The following MAGI2 variants were observed in gnomAD, a reference collection of about 807,000 sequenced individuals.
The protein encoded by MAGI2 is membrane associated guanylate kinase, WW and PDZ domain containing 2, also known as membrane-associated guanylate kinase, WW and PDZ domain-containing protein 2.
A neutral mutation model predicts 133.3 loss-of-function variants in MAGI2; 35 were observed. The ratio of observed to expected loss-of-function variants is 0.26; its 90% CI spans 0.20 to 0.35. The LOEUF (loss-of-function observed/expected upper bound fraction) is 0.35. Among genes scored for constraint, MAGI2 ranks in the 10% least tolerant of loss-of-function variants. MAGI2 has a pLI of 1.00. For synonymous variants in MAGI2, 729 were observed against 710.6 expected (o/e 1.03, Z -0.41); for missense variants, 1,636 against 1,863.4 (o/e 0.88, Z 2.25).
At chr7:79,448,968 G>A (rs1437870161) in intron 1 of MAGI2, among the ~76,000 whole-genome samples, 5 of 152,086 alleles carry the variant, frequency 3.3e-5, no homozygotes, top group Middle Eastern at 3.4e-3. Flanking sequence ...CAAGAGAACC[G>A]TCTCATTAAC....
Position 78,489,657 on chromosome 7 carries a change from T to C in MAGI2, c.1045+104A>G, listed in dbSNP as rs1279090740. On this transcript the variant is annotated intron_variant, in intron 6 of 21. Coordinates refer to ENST00000354212, the MANE Select transcript of MAGI2 (RefSeq NM_012301.4). ...AGCATTAAACATTACATCGTTAAAA[T>C]TGTTTCAGCTAGATTATTGCCTCTT... 6.0e-6 allele frequency: 5 copies of C among 828,140 alleles called. No homozygotes were observed. The African/African-American group carries it at 8.6e-5, about 14-fold the overall frequency. 51.3% of individuals were successfully genotyped at this position (828,140 alleles called of 1,614,324 possible). A position where few individuals can be genotyped will look rare whatever the true frequency, so the allele number is the denominator to read the frequency against.
At chr7:79,229,084 A>ATT (rs532480584) in intron 1 of MAGI2, among the ~76,000 whole-genome samples, 2 of 145,582 alleles carry the variant, frequency 1.4e-5, no homozygotes, top group South Asian at 4.4e-4. Flanking sequence ...TACGACAATG[A>ATT]TTTTTTTTTT....
intron 2 of MAGI2, among the ~76,000 whole-genome samples, chr7:78,879,938 C>T (rs1005011315): frequency 2.6e-5 from 4 of 151,860 alleles, no homozygotes; most frequent in Non-Finnish European, 5.9e-5. Flanking sequence ...CATTTGAAAG[C>T]TTTATCAATA....
chr7:78,669,272 A>T (rs1455144865), intron 2 of MAGI2, among the ~76,000 whole-genome samples: 1 of 152,146 alleles, frequency 6.6e-6, no homozygotes, highest in Non-Finnish European at 1.5e-5. Flanking sequence ...ACAAACTACC[A>T]TCAGAGAATA....
At chr7:78,920,442 C>G (rs1312462771) in intron 2 of MAGI2, among the ~76,000 whole-genome samples, 1 of 152,144 alleles carries the variant, frequency 6.6e-6, no homozygotes, top group Non-Finnish European at 1.5e-5. Flanking sequence ...CAAAAGCTTT[C>G]CTAATGATCC....
chr7:78,091,026 G>GT (rs1446796359), intron 20 of MAGI2, among the ~76,000 whole-genome samples: 2 of 149,352 alleles, frequency 1.3e-5, no homozygotes, highest in Non-Finnish European at 3.0e-5. Context: ...TTTTAACATC[G>GT]TAGTGACTGA....
At chr7:78,510,264 G>A (rs1030015) in intron 4 of MAGI2, among the ~76,000 whole-genome samples, 1 of 151,930 alleles carries the variant, frequency 6.6e-6, no homozygotes, top group Non-Finnish European at 1.5e-5. Flanking sequence ...TAAAGTGGGA[G>A]GTTGAACAAG....
chr7:79,069,715 T>A lies in MAGI2; in HGVS notation c.302-62509A>T, dbSNP rs534569737. 1.2e-4 allele frequency among the ~76,000 whole-genome samples: 18 copies of A among 152,310 alleles called. No individual in the cohort carries two copies. The South Asian group carries it at 3.7e-3, about 32-fold the overall frequency. ...TTCATAGCATTGATGGTCTTTACAA[T>A]TTGGTATGTTTTTGCAGTGGCTGCT... On this transcript the variant is annotated intron_variant, in intron 1 of 21. Transcript: ENST00000354212.
intron 9 of MAGI2, among the ~76,000 whole-genome samples, chr7:78,296,862 G>C (rs543424668): frequency 6.6e-6 from 1 of 152,318 alleles, no homozygotes; most frequent in Admixed American, 6.5e-5. Context: ...CAGTCAGCGT[G>C]GGAAAGGCTC....
At chr7:79,118,760 C>G (rs1024003205) in intron 1 of MAGI2, among the ~76,000 whole-genome samples, 1 of 152,042 alleles carries the variant, frequency 6.6e-6, no homozygotes, top group Non-Finnish European at 1.5e-5. Flanking sequence ...TCCCTCATGA[C>G]CTCCTCCCTG....
intron 9 of MAGI2, among the ~76,000 whole-genome samples, chr7:78,280,402 C>T (rs1795449134): frequency 6.6e-6 from 1 of 152,086 alleles, no homozygotes; most frequent in Non-Finnish European, 1.5e-5. Context: ...CTTCCACTTT[C>T]TCAGCTTACA....
intron 1 of MAGI2, among the ~76,000 whole-genome samples, chr7:79,261,893 C>A (rs1834118777): frequency 6.6e-6 from 1 of 152,164 alleles, no homozygotes; most frequent in Non-Finnish European, 1.5e-5. Context: ...TTCTGGGAAA[C>A]TCTTACCCCA....
At chr7:78,208,704 T>G (rs1787386166) in intron 10 of MAGI2, among the ~76,000 whole-genome samples, 1 of 145,128 alleles carries the variant, frequency 6.9e-6, no homozygotes, top group South Asian at 2.2e-4. Context: ...TTTTTTTTTT[T>G]TTTGGGAAAT....
chr7:78,046,203 C>A (rs1337317680), intron 21 of MAGI2, among the ~76,000 whole-genome samples: 2 of 149,488 alleles, frequency 1.3e-5, no homozygotes, highest in Non-Finnish European at 3.0e-5. Flanking sequence ...TGAGACCAGC[C>A]TGGTCAAAGT....
chr7:78,497,746 A>ATCTGTCTGTCTGTCTGTCTGTCTGTCTG (rs1195712724), intron 5 of MAGI2, among the ~76,000 whole-genome samples: 93 of 116,782 alleles, frequency 8.0e-4, no homozygotes, highest in African/African-American at 2.4e-3. Flanking sequence ...CTATCTATCT[A>ATCTGTCTGTCTGTCTGTCTGTCTGTCTG]TCTATCTATC....
intron 1 of MAGI2, among the ~76,000 whole-genome samples, chr7:79,340,092 T>C (rs1348783198): frequency 6.6e-6 from 1 of 152,122 alleles, no homozygotes; most frequent in Non-Finnish European, 1.5e-5. Flanking sequence ...CCCCTCAAAT[T>C]ATATTTTCAA....
intron 1 of MAGI2, among the ~76,000 whole-genome samples, chr7:79,055,220 T>C (rs758794154): frequency 2.6e-5 from 4 of 152,160 alleles, no homozygotes; most frequent in Admixed American, 6.6e-5. Context: ...TTTGCTAATA[T>C]AGTCACAAGT....
chr7:79,119,756 G>C (rs890904025), intron 1 of MAGI2, among the ~76,000 whole-genome samples: 1 of 151,910 alleles, frequency 6.6e-6, no homozygotes, highest in African/African-American at 2.4e-5. Flanking sequence ...TCGAAGGGAA[G>C]GGCAAGAAAG....
rs1585840184 is a variant in MAGI2 at position 79,399,079 on chromosome 7, C to CTTTTCTTTTTTTTTTTTTTTTTTT, written c.301+53940_301+53941insAAAAAAAAAAAAAAAAAAAGAAAA. Among the ~76,000 whole-genome samples the CTTTTCTTTTTTTTTTTTTTTTTTT allele has an allele frequency of 1.4e-4, 16 of 114,606 alleles. 2 individuals are homozygous for CTTTTCTTTTTTTTTTTTTTTTTTT. Among genetic ancestry groups the CTTTTCTTTTTTTTTTTTTTTTTTT allele is most frequent in the East Asian group, 8.8e-4 (3 of 3,420 alleles). The allele number at this position is 114,606 out of a possible 152,430, so 75.2% of individuals were successfully genotyped here. On this transcript the variant is annotated intron_variant, in intron 1 of 21. Coordinates refer to ENST00000354212, the MANE Select transcript of MAGI2 (RefSeq NM_012301.4). ...CATCTTCAATTCACTAGTATTATTT[C>CTTTTCTTTTTTTTTTTTTTTTTTT]TTTTTTTTTTCTTTTCTTTTTTTTT...
Sources: allele counts gnomAD v4.1 joint callset (sites outside exome capture counted in the v4.1 genomes callset), GRCh38; gene constraint gnomAD v4.1.1; transcripts MANE v1.5; gene names NCBI Gene and HGNC (gene_info 2026-07-23, HGNC 2026-07-21).